The following UHRF2 variants were observed in gnomAD, a reference collection of about 807,000 sequenced individuals.
UHRF2 encodes the protein ubiquitin like with PHD and ring finger domains 2.
UHRF2 carries 23 observed loss-of-function variants against 96.8 expected under a neutral mutation model. The observed-to-expected ratio is 0.24, with a 90% CI of 0.17 to 0.34. The LOEUF is 0.34. Among genes scored for constraint, UHRF2 ranks in the 10% least tolerant of loss-of-function variants. UHRF2 has a pLI of 1.00. For synonymous variants in UHRF2, 385 were observed against 332.6 expected, an observed-to-expected ratio of 1.16 and a Z score of -1.72; for missense variants, 685 against 981.5, an observed-to-expected ratio of 0.70 and a Z score of 4.04.
chr9:6,504,840 G>A (rs1816499638), intron 15 of UHRF2, 149 bp downstream of exon 15: 2 of 537,334 alleles, frequency 3.7e-6, no homozygotes, highest in East Asian at 6.3e-5. Flanking sequence ...CGTCTTGGTG[G>A]TAAATGCATG....
At chr9:6,486,632 A>G (rs1403753128) in intron 8 of UHRF2, among the ~76,000 whole-genome samples, 189 bp from the exon 9 acceptor site, 1 of 152,212 alleles carries the variant, frequency 6.6e-6, no homozygotes, top group Non-Finnish European at 1.5e-5. Context: ...AGAGCAAAAG[A>G]TAGAACTCTG....
At chr9:6,469,097 T>C (rs968698007) in intron 4 of UHRF2, among the ~76,000 whole-genome samples, 1 of 152,236 alleles carries the variant, frequency 6.6e-6, no homozygotes, top group African/African-American at 2.4e-5. Flanking sequence ...AGAGAAACTT[T>C]CAAGTAACTG....
At chr9:6,448,132 G>A (rs921938929) in intron 3 of UHRF2, among the ~76,000 whole-genome samples, 5 of 152,136 alleles carry the variant, frequency 3.3e-5, no homozygotes, top group Non-Finnish European at 7.3e-5. Context: ...GTCCAGATTG[G>A]AATTTGACAG....
chr9:6,462,424 C>T (rs571922066), intron 4 of UHRF2, among the ~76,000 whole-genome samples: 1 of 152,014 alleles, frequency 6.6e-6, no homozygotes, highest in African/African-American at 2.4e-5. Flanking sequence ...TATTGCTAGA[C>T]TAAGGGTATA....
rs1009220369 is a variant in UHRF2, at chr9:6,416,688, C to T, written c.153+3045C>T. 5.9e-5 allele frequency among the ~76,000 whole-genome samples: 9 copies of T among 152,112 alleles called. No homozygotes were observed. In the South Asian group the frequency reaches 8.3e-4, roughly 14 times the overall value. Reference sequence around the variant, plus strand: ...CCGAGTAGCTGGGACTACAGGCGCCCGCCACTGCGCCCGGCTGATTTTTTG... The same window carrying T: ...CCGAGTAGCTGGGACTACAGGCGCCTGCCACTGCGCCCGGCTGATTTTTTG... On this transcript the variant is annotated intron_variant, in intron 1 of 15. Coordinates refer to ENST00000276893, the MANE Select transcript of UHRF2 (RefSeq NM_152896.3).
intron 4 of UHRF2, among the ~76,000 whole-genome samples, chr9:6,464,468 T>C (rs1822747265): frequency 1.3e-5 from 2 of 152,308 alleles, no homozygotes; most frequent in East Asian, 1.9e-4. Flanking sequence ...AGTTTTTTTT[T>C]CCTTTATGCT....
chr9:6,499,972 T>TTTGTTG (rs553532921), intron 13 of UHRF2, 41 bp downstream of exon 13: 6 of 1,438,774 alleles, frequency 4.2e-6, no homozygotes, highest in East Asian at 2.5e-5. Context: ...ATAACATACT[T>TTTGTTG]TTGTTGTTGT....
intron 3 of UHRF2, among the ~76,000 whole-genome samples, chr9:6,443,870 T>C (rs1041655267): frequency 6.6e-6 from 1 of 152,210 alleles, no homozygotes; most frequent in African/African-American, 2.4e-5. Flanking sequence ...TTGTCTTTGC[T>C]CCCAGCATTC....
At chr9:6,448,164 A>C (rs1255137325) in intron 3 of UHRF2, among the ~76,000 whole-genome samples, 2 of 152,194 alleles carry the variant, frequency 1.3e-5, no homozygotes, top group African/African-American at 4.8e-5. Context: ...GAAATGTTTC[A>C]AAGTTGCAAA....
chr9:6,495,948 G>A (rs182227158), intron 10 of UHRF2: 11 of 151,910 alleles, frequency 7.2e-5, no homozygotes, highest in Admixed American at 5.9e-4. Context: ...AGAGTTGATG[G>A]CTGTGTTTTT....
chr9:6,501,212 A>G (rs13292030), intron 14 of UHRF2, among the ~76,000 whole-genome samples: 4,970 of 152,020 alleles, frequency 0.033, 104 homozygotes, highest in Middle Eastern at 0.068. Flanking sequence ...AATCACAGTT[A>G]ATTAATGTGT....
intron 4 of UHRF2, among the ~76,000 whole-genome samples, chr9:6,464,064 G>T (rs1828215538): frequency 6.6e-6 from 1 of 152,200 alleles, no homozygotes; most frequent in East Asian, 1.9e-4. Context: ...TTCTGCAACA[G>T]TATGAGAGTT....
At chr9:6,489,628 C>G (rs1209449381) in intron 9 of UHRF2, among the ~76,000 whole-genome samples, 2 of 151,246 alleles carry the variant, frequency 1.3e-5, no homozygotes, top group African/African-American at 4.9e-5. Context: ...GTGTTGATAT[C>G]TTATTGTTGG....
chr9:6,497,938 A>G (rs1010375627), intron 11 of UHRF2, 80 bp from the exon 12 acceptor site: 44 of 1,535,030 alleles, frequency 2.9e-5, no homozygotes, highest in Non-Finnish European at 3.8e-5. Context: ...AGTTCTGGCA[A>G]AGATTATTTT....
intron 8 of UHRF2, among the ~76,000 whole-genome samples, chr9:6,486,521 A>T (rs1028809962): frequency 1.5e-4 from 23 of 152,226 alleles, no homozygotes; most frequent in African/African-American, 5.5e-4. Flanking sequence ...CAATAGACAT[A>T]AGATGATTAT....
At chr9:6,456,024 T>C (rs1587820175) in intron 3 of UHRF2, among the ~76,000 whole-genome samples, 2 of 152,156 alleles carry the variant, frequency 1.3e-5, no homozygotes, top group East Asian at 1.9e-4. Flanking sequence ...AAGAACCTTA[T>C]AAAGCTTTAG....
chr9:6,471,828 A>G (rs1285394315), intron 4 of UHRF2, among the ~76,000 whole-genome samples: 1 of 152,172 alleles, frequency 6.6e-6, no homozygotes, highest in Non-Finnish European at 1.5e-5. Context: ...CTAAAGCTCT[A>G]TATTGAGAAG....
At chr9:6,466,846 T>G (rs890022988) in intron 4 of UHRF2, among the ~76,000 whole-genome samples, 3 of 152,348 alleles carry the variant, frequency 2.0e-5, no homozygotes, top group African/African-American at 7.2e-5. Flanking sequence ...TCATTTGACT[T>G]ACTCTGTCTC....
chr9:6,416,652 G>T (rs1819619286), intron 1 of UHRF2, among the ~76,000 whole-genome samples: 1 of 144,234 alleles, frequency 6.9e-6, no homozygotes, highest in Non-Finnish European at 1.5e-5. Context: ...ACGCCATTCT[G>T]CCTCAGCCTC....
Sources: gnomAD v4.1 joint callset for allele counts (sites outside exome capture counted in the v4.1 genomes callset) on GRCh38, gnomAD v4.1.1 for gene constraint, MANE v1.5 for transcripts, NCBI Gene and HGNC (gene_info 2026-07-23, HGNC 2026-07-21) for gene names.